Variants in PIBF1 observed in about 807,000 individuals in gnomAD.
The protein encoded by PIBF1 is progesterone-induced-blocking factor 1.
Under a neutral mutation model 112.5 loss-of-function variants are expected in PIBF1, and 90 were observed. That is an observed-to-expected ratio of 0.80 (90% CI 0.67 to 0.95). The LOEUF is 0.95. Ranked by LOEUF, PIBF1 falls within the 40% of genes least tolerant of loss-of-function variation. The pLI is 0.00. For missense variants in PIBF1, 915 were observed against 852.3 expected (o/e 1.07, Z -0.92); for synonymous variants, 301 against 288.6 (o/e 1.04, Z -0.44).
At chr13:72,908,783 T>C in intron 12 of PIBF1, 102 bp downstream of exon 12, 2 of 1,050,670 alleles carry the variant, frequency 1.9e-6, no homozygotes, top group Non-Finnish European at 2.7e-6. Flanking sequence ...GCACGGTGGC[T>C]CATGCCTGTA....
chr13:72,861,303 A>G (rs1240327510), intron 10 of PIBF1, among the ~76,000 whole-genome samples: 4 of 151,920 alleles, frequency 2.6e-5, no homozygotes, highest in Non-Finnish European at 5.9e-5. Flanking sequence ...ATAAGAATAT[A>G]TATTATGTAC....
At chr13:72,894,004 A>T in intron 11 of PIBF1, 55 bp downstream of exon 11, 1 of 1,010,470 alleles carries the variant, frequency 9.9e-7, no homozygotes, top group Non-Finnish European at 1.4e-6. Flanking sequence ...CTCCCTAAGT[A>T]CAAGATTTAT....
At chr13:73,010,519 C>G (rs1376195765) in intron 17 of PIBF1, among the ~76,000 whole-genome samples, 1 of 152,012 alleles carries the variant, frequency 6.6e-6, no homozygotes, top group African/African-American at 2.4e-5. Flanking sequence ...AGGAGAATTG[C>G]TTGAACCTGG....
intron 13 of PIBF1, among the ~76,000 whole-genome samples, chr13:72,927,793 A>G (rs1350249719): frequency 6.6e-6 from 1 of 150,626 alleles, no homozygotes; most frequent in Non-Finnish European, 1.5e-5. Flanking sequence ...CCTTAATAAT[A>G]CAATCTTAAT....
rs2035773804 is a variant in PIBF1 at position 72,807,082 on chromosome 13, C to T, written c.672+9056C>T. On this transcript the variant is annotated intron_variant, in intron 5 of 17. Transcript: ENST00000326291. ...CATCTATAAATAGATACCTGAATTG[C>T]TTCTACCTCTTGGGAGAAATGGGCA... 2.0e-5 allele frequency among the ~76,000 whole-genome samples: 3 copies of T among 150,292 alleles called. No homozygotes were observed. In the South Asian group the frequency reaches 6.3e-4, roughly 32 times the overall value.
rs1157509329 is a variant in PIBF1 at position 72,795,551 on chromosome 13, T to C, written c.546T>C (p.Tyr182=). 1 of 1,517,802 alleles carries C rather than the reference T, an allele frequency of 6.6e-7. No individual in the cohort carries two copies. Among genetic ancestry groups the C allele is most frequent in the Non-Finnish European group, 9.1e-7 (1 of 1,104,684 alleles). 94.0% of individuals were successfully genotyped at this position (1,517,802 alleles called of 1,614,324 possible). Residue 182 remains tyrosine, a synonymous_variant, in exon 4 of 18, where the codon TAT becomes TAC. Transcript: ENST00000326291. ...FPEDQLSIPE[Y]VSVRFYELVN... ...AAGATCAGCTTTCTATTCCTGAATATGTATCTGTAAGTATCTTATATCTAT... is the reference window on the plus strand; with the variant it reads ...AAGATCAGCTTTCTATTCCTGAATACGTATCTGTAAGTATCTTATATCTAT...
intron 10 of PIBF1, among the ~76,000 whole-genome samples, chr13:72,887,933 C>T (rs2039919649): frequency 6.6e-6 from 1 of 152,134 alleles, no homozygotes; most frequent in South Asian, 2.1e-4. Context: ...AGAATACCCT[C>T]CACCAAGGTC....
At chr13:72,892,816 G>A (rs28694073) in intron 10 of PIBF1, among the ~76,000 whole-genome samples, 266 of 71,188 alleles carry the variant, frequency 3.7e-3, no homozygotes, top group South Asian at 0.011. Context: ...ACACGCACAC[G>A]CACACACACC....
chr13:72,786,150 A>AT (rs1169663717), intron 2 of PIBF1, among the ~76,000 whole-genome samples: 1 of 152,194 alleles, frequency 6.6e-6, no homozygotes, highest in Non-Finnish European at 1.5e-5. Flanking sequence ...TAAACTTATT[A>AT]TTTACATATT....
chr13:72,825,804 G>A (rs1469454167), intron 6 of PIBF1, among the ~76,000 whole-genome samples: 3 of 151,782 alleles, frequency 2.0e-5, no homozygotes, highest in Non-Finnish European at 4.4e-5. Flanking sequence ...AGCGTGTCAT[G>A]TCTGTAATCC....
At chr13:72,811,440 A>G (rs1046326838) in intron 5 of PIBF1, among the ~76,000 whole-genome samples, 21 of 152,036 alleles carry the variant, frequency 1.4e-4, no homozygotes, top group African/African-American at 4.8e-4. Flanking sequence ...TACTAAAAAT[A>G]CAAAAATCAG....
At chr13:73,012,830 A>G (rs1437002054) in intron 17 of PIBF1, among the ~76,000 whole-genome samples, 1 of 151,924 alleles carries the variant, frequency 6.6e-6, no homozygotes, top group Non-Finnish European at 1.5e-5. Flanking sequence ...TCCAAGGACT[A>G]AAGGATGACT....
Position 72,986,032 on chromosome 13 carries a change from T to C in PIBF1, c.2049+12357T>C, listed in dbSNP as rs577754402. Among the ~76,000 whole-genome samples, 4 of 152,026 alleles carry C rather than the reference T, an allele frequency of 2.6e-5. 1 individual carries two copies. The South Asian group carries it at 8.3e-4, about 32-fold the overall frequency. On this transcript the variant is annotated intron_variant, in intron 16 of 17. Coordinates refer to ENST00000326291, the MANE Select transcript of PIBF1 (RefSeq NM_006346.4). Reference sequence around the variant, plus strand: ...TAAATAATTAGCTAGATGTGGTGGCTCGTGCCTATAGTCCCAGCTTCATGG... The same window carrying C: ...TAAATAATTAGCTAGATGTGGTGGCCCGTGCCTATAGTCCCAGCTTCATGG...
chr13:72,981,809 A>G (rs561792727), intron 16 of PIBF1, among the ~76,000 whole-genome samples: 24 of 152,230 alleles, frequency 1.6e-4, no homozygotes, highest in Middle Eastern at 3.2e-3. Context: ...CTATATGTAC[A>G]TATAAATATG....
intron 13 of PIBF1, among the ~76,000 whole-genome samples, chr13:72,928,292 G>T (rs887458128): frequency 6.6e-6 from 1 of 151,828 alleles, no homozygotes; most frequent in Non-Finnish European, 1.5e-5. Flanking sequence ...GCACTGTAGA[G>T]TATATTTGTA....
chr13:72,947,081 C>G (rs1251493960), intron 14 of PIBF1, among the ~76,000 whole-genome samples: 1 of 152,336 alleles, frequency 6.6e-6, no homozygotes, highest in Non-Finnish European at 1.5e-5. Context: ...GGGCTCTGCC[C>G]CTGCAGCAAA....
chr13:72,930,679 C>T (rs1472082780), intron 13 of PIBF1, among the ~76,000 whole-genome samples: 1 of 152,096 alleles, frequency 6.6e-6, no homozygotes, highest in Admixed American at 6.6e-5. Flanking sequence ...TTTTCATCTC[C>T]ACTTTCAATT....
intron 12 of PIBF1, among the ~76,000 whole-genome samples, chr13:72,910,911 A>T (rs1372344667): frequency 3.3e-5 from 5 of 152,178 alleles, no homozygotes; most frequent in Non-Finnish European, 7.3e-5. Context: ...ATCACGAAAT[A>T]TATTGTGAAT....
chr13:72,957,826 A>G (rs1400243765), intron 14 of PIBF1, among the ~76,000 whole-genome samples: 1 of 151,914 alleles, frequency 6.6e-6, no homozygotes, highest in Non-Finnish European at 1.5e-5. Context: ...GCGCACACCT[A>G]TAGTCCCAAC....
Sources: gnomAD v4.1 joint callset for allele counts (sites outside exome capture counted in the v4.1 genomes callset) on GRCh38, gnomAD v4.1.1 for gene constraint, MANE v1.5 for transcripts, NCBI Gene and HGNC (gene_info 2026-07-23, HGNC 2026-07-21) for gene names.